PTPRO: variants seen among roughly 807,000 people sequenced by gnomAD.
PTPRO encodes receptor-type tyrosine-protein phosphatase O.
In PTPRO, 62 loss-of-function variants were observed where a neutral mutation model predicts 145.2. That is an observed-to-expected ratio of 0.43 (90% confidence interval 0.35 to 0.53). PTPRO has a LOEUF of 0.53. PTPRO is among the 20% of genes least tolerant of loss of function. The probability of loss-of-function intolerance (pLI) is 0.01; values close to 1 mark genes in which losing one functional copy is unlikely to be tolerated. For synonymous variants in PTPRO, 565 were observed against 514.7 expected, an observed-to-expected ratio of 1.10 and a Z score of -1.32; for missense variants, 1,345 against 1,482.7, an observed-to-expected ratio of 0.91 and a Z score of 1.53.
intron 2 of PTPRO, among the ~76,000 whole-genome samples, chr12:15,486,205 T>A (rs1941882433): frequency 6.6e-6 from 1 of 152,214 alleles, no homozygotes; most frequent in Non-Finnish European, 1.5e-5. Flanking sequence ...GCTTTACATA[T>A]TTTGAAGCTC....
At chr12:15,523,501 G>A (rs954965860) in intron 10 of PTPRO, among the ~76,000 whole-genome samples, 4 of 152,106 alleles carry the variant, frequency 2.6e-5, no homozygotes, top group African/African-American at 9.7e-5. Flanking sequence ...TTGGCTGGGC[G>A]TGGAAGCTCA....
chr12:15,436,842 C>G (rs1940608769), intron 1 of PTPRO, among the ~76,000 whole-genome samples: 1 of 152,164 alleles, frequency 6.6e-6, no homozygotes, highest in South Asian at 2.1e-4. Context: ...GCAGTAGTCT[C>G]TGGAATTGTG....
At chr12:15,376,749 A>T (rs1038792609) in intron 1 of PTPRO, among the ~76,000 whole-genome samples, 2 of 152,032 alleles carry the variant, frequency 1.3e-5, no homozygotes, top group African/African-American at 4.8e-5. Context: ...GGGGTCAGAG[A>T]GTTGTCTAGG....
rs866102387 is a variant in PTPRO at position 15,409,764 on chromosome 12, T to C, written c.76-74210T>C. Among the ~76,000 whole-genome samples the C allele has an allele frequency of 2.0e-5, 3 of 152,180 alleles. No homozygotes were observed. The South Asian group carries it at 6.2e-4, about 31-fold the overall frequency. On this transcript the variant is annotated intron_variant, in intron 1 of 26. Transcript: ENST00000281171. ...GGAGAAGGTGCTACACACTTTTAAA[T>C]GACCAGATCTCACAAGAACTCACTC... is the stretch of plus-strand genomic sequence containing the variant.
At chr12:15,517,573 A>T (rs1012006626) in intron 9 of PTPRO, among the ~76,000 whole-genome samples, 1 of 152,212 alleles carries the variant, frequency 6.6e-6, no homozygotes, top group African/African-American at 2.4e-5. Context: ...CCTTCTGCCT[A>T]TGAGTCTGTA....
At chr12:15,339,954 G>C (rs1866915718) in intron 1 of PTPRO, among the ~76,000 whole-genome samples, 1 of 152,060 alleles carries the variant, frequency 6.6e-6, no homozygotes, top group Non-Finnish European at 1.5e-5. Flanking sequence ...TTGTATATAA[G>C]ATATGTCCCA....
At chr12:15,388,065 C>T (rs1424043294) in intron 1 of PTPRO, among the ~76,000 whole-genome samples, 3 of 152,178 alleles carry the variant, frequency 2.0e-5, no homozygotes, top group Admixed American at 6.5e-5. Flanking sequence ...GAACAACCTC[C>T]AGCCGAGCCA....
intron 12 of PTPRO, among the ~76,000 whole-genome samples, chr12:15,538,560 T>A (rs1253230908): frequency 6.6e-6 from 1 of 151,894 alleles, no homozygotes; most frequent in East Asian, 1.9e-4. Context: ...CTCCTGCCCA[T>A]CATAAGGTAC....
chr12:15,513,842 C>T (rs1345965486), intron 7 of PTPRO, among the ~76,000 whole-genome samples: 1 of 151,974 alleles, frequency 6.6e-6, no homozygotes, highest in African/African-American at 2.4e-5. Context: ...ATTTTATTAC[C>T]TATATCTTAG....
chr12:15,534,781 C>T (rs1484956372), intron 12 of PTPRO, among the ~76,000 whole-genome samples: 1 of 152,244 alleles, frequency 6.6e-6, no homozygotes, highest in East Asian at 1.9e-4. Context: ...GTCCGATTTA[C>T]ATTTAAAACA....
chr12:15,593,276 A>G (rs139073793), intron 25 of PTPRO, among the ~76,000 whole-genome samples: 1 of 152,334 alleles, frequency 6.6e-6, no homozygotes, highest in East Asian at 1.9e-4. Context: ...TGTTTTTTGT[A>G]TGAAGTTGTT....
At chr12:15,516,639 G>GGC in intron 8 of PTPRO, 124 bp from the exon 9 acceptor site, 1 of 767,246 alleles carries the variant, frequency 1.3e-6, no homozygotes, top group African/African-American at 2.0e-5. Flanking sequence ...GGAAGGAAGG[G>GGC]AGGGAGGGAG....
intron 2 of PTPRO, 132 bp from the exon 3 acceptor site, chr12:15,497,113 T>C: frequency 1.3e-6 from 1 of 794,612 alleles, no homozygotes; most frequent in Non-Finnish European, 2.2e-6. Context: ...TACTGAGGAG[T>C]TTAGTGCCCA....
intron 1 of PTPRO, among the ~76,000 whole-genome samples, chr12:15,373,220 A>C (rs1418942998): frequency 6.6e-6 from 1 of 152,302 alleles, no homozygotes; most frequent in South Asian, 2.1e-4. Flanking sequence ...CACCAAGTTG[A>C]TTGTAGGCTT....
chr12:15,430,165 G>A (rs1490814325), intron 1 of PTPRO, among the ~76,000 whole-genome samples: 2 of 151,502 alleles, frequency 1.3e-5, no homozygotes, highest in Non-Finnish European at 2.9e-5. Flanking sequence ...TTTGCACATA[G>A]GTAGTTGGTA....
chr12:15,428,800 G>A (rs1940353280), intron 1 of PTPRO, among the ~76,000 whole-genome samples: 1 of 151,964 alleles, frequency 6.6e-6, no homozygotes, highest in Non-Finnish European at 1.5e-5. Context: ...CCATGTTCAG[G>A]GTCATCCCGT....
intron 1 of PTPRO, among the ~76,000 whole-genome samples, chr12:15,363,102 G>A (rs544565687): frequency 6.6e-6 from 1 of 152,204 alleles, no homozygotes; most frequent in South Asian, 2.1e-4. Flanking sequence ...TTTCTGTGCC[G>A]ACCTTGGGTA....
intron 1 of PTPRO, among the ~76,000 whole-genome samples, chr12:15,466,254 A>G (rs1181590254): frequency 6.6e-6 from 1 of 152,184 alleles, no homozygotes; most frequent in African/African-American, 2.4e-5. Flanking sequence ...TATTTTGAAG[A>G]AGATAAAAAT....
chr12:15,433,824 G>T (rs1940520705), intron 1 of PTPRO, among the ~76,000 whole-genome samples: 1 of 152,142 alleles, frequency 6.6e-6, no homozygotes, highest in Non-Finnish European at 1.5e-5. Flanking sequence ...GCTTAGGATT[G>T]CCTTGGCTAT....
Sources: gnomAD v4.1 joint callset for allele counts (sites outside exome capture counted in the v4.1 genomes callset) on GRCh38, gnomAD v4.1.1 for gene constraint, MANE v1.5 for transcripts, NCBI Gene and HGNC (gene_info 2026-07-23, HGNC 2026-07-21) for gene names.